Variants in TLE4 observed in about 807,000 individuals in gnomAD.
The protein encoded by TLE4 is TLE family member 4, transcriptional corepressor, also known as transducin-like enhancer protein 4.
A neutral mutation model predicts 92.8 loss-of-function variants in TLE4; 8 were observed. The ratio of observed to expected loss-of-function variants is 0.09; its 90% confidence interval spans 0.05 to 0.16. TLE4 has a LOEUF of 0.16. Ranked by LOEUF, TLE4 falls within the 10% of genes least tolerant of loss-of-function variation. The pLI, the probability that TLE4 is intolerant of heterozygous loss-of-function variation, is 1.00. For synonymous variants in TLE4, 371 were observed against 374.1 expected, an observed-to-expected ratio of 0.99 and a Z score of 0.10; for missense variants, 675 against 997.6, an observed-to-expected ratio of 0.68 and a Z score of 4.36.
At chr9:79,634,009 A>C (rs1326642187) in intron 6 of TLE4, among the ~76,000 whole-genome samples, 1 of 152,180 alleles carries the variant, frequency 6.6e-6, no homozygotes, top group Non-Finnish European at 1.5e-5. Context: ...CCCAAAATGC[A>C]TGTGTGGTCT....
intron 4 of TLE4, among the ~76,000 whole-genome samples, chr9:79,579,487 G>A (rs915428872): frequency 1.2e-4 from 18 of 152,182 alleles, no homozygotes; most frequent in African/African-American, 3.9e-4. Context: ...TTTTGAAAAG[G>A]GGAGCATGAG....
intron 8 of TLE4, among the ~76,000 whole-genome samples, chr9:79,666,523 G>C (rs186592993): frequency 7.9e-5 from 12 of 152,296 alleles, no homozygotes; most frequent in African/African-American, 2.6e-4. Context: ...ACAGGCGTGA[G>C]CCATCACGCC....
rs1261062691 is a variant in TLE4, at chr9:79,726,827, C to G, written c.*1683C>G. The G allele has an allele frequency of 6.6e-6, 1 of 152,318 alleles. No homozygotes were observed. The highest frequency in any genetic ancestry group is 1.5e-5 in the Non-Finnish European group (1 of 67,996). 9.4% of individuals were successfully genotyped at this position (152,318 alleles called of 1,614,324 possible). On this transcript the variant is annotated 3_prime_UTR_variant, in exon 20 of 20. Coordinates refer to ENST00000376552, the MANE Select transcript of TLE4 (RefSeq NM_007005.6). ...TGCCACTCCTATATATTAAAAATGCCTAGTTTTTTCAAGGGAGATTGTTGT... is the reference window on the plus strand; with the variant it reads ...TGCCACTCCTATATATTAAAAATGCGTAGTTTTTTCAAGGGAGATTGTTGT...
chr9:79,580,975 A>G (rs531660706), intron 4 of TLE4, among the ~76,000 whole-genome samples: 19 of 152,118 alleles, frequency 1.2e-4, no homozygotes, highest in South Asian at 4.1e-4. Flanking sequence ...TTATAAGACT[A>G]TGTGTGTGGG....
intron 4 of TLE4, among the ~76,000 whole-genome samples, chr9:79,600,476 AACAAAAACAC>A (rs1399758779): frequency 7.2e-5 from 11 of 152,206 alleles, no homozygotes; most frequent in South Asian, 2.1e-4. Context: ...CCACCCCAAC[AACAAAAACAC>A]ACAAAAACAG....
chr9:79,681,657 T>A (rs1361589763), intron 8 of TLE4, among the ~76,000 whole-genome samples: 1 of 152,032 alleles, frequency 6.6e-6, no homozygotes, highest in Admixed American at 6.6e-5. Context: ...TGGATACAGA[T>A]CTGTTCAGTG....
intron 8 of TLE4, among the ~76,000 whole-genome samples, chr9:79,665,848 T>C (rs897281834): frequency 1.3e-5 from 2 of 152,340 alleles, no homozygotes; most frequent in South Asian, 2.1e-4. Flanking sequence ...TCTGATGATA[T>C]TTTCTTCTTT....
At chr9:79,632,642 A>AT in intron 6 of TLE4, among the ~76,000 whole-genome samples, 1 of 152,154 alleles carries the variant, frequency 6.6e-6, no homozygotes, top group East Asian at 1.9e-4. Context: ...CTTTTGTGTT[A>AT]TTTTTTAAAT....
chr9:79,627,960 T>TA (rs937427422), intron 6 of TLE4, among the ~76,000 whole-genome samples: 1 of 152,128 alleles, frequency 6.6e-6, no homozygotes, highest in African/African-American at 2.4e-5. Flanking sequence ...ACTTTATTTT[T>TA]AAAAAAATCA....
At chr9:79,653,611 GGT>G (rs2059339430) in intron 7 of TLE4, among the ~76,000 whole-genome samples, 1 of 152,080 alleles carries the variant, frequency 6.6e-6, no homozygotes, top group Non-Finnish European at 1.5e-5. Context: ...TGGCTTGAAG[GGT>G]GTGTTTCATA....
chr9:79,683,925 G>A (rs2135361961), intron 8 of TLE4, among the ~76,000 whole-genome samples: 1 of 152,268 alleles, frequency 6.6e-6, no homozygotes, highest in Admixed American at 6.5e-5. Context: ...ATGAACTTAT[G>A]ACGACAGTTT....
At chr9:79,617,381 G>T (rs2049895450) in intron 5 of TLE4, among the ~76,000 whole-genome samples, 1 of 152,110 alleles carries the variant, frequency 6.6e-6, no homozygotes, top group African/African-American at 2.4e-5. Context: ...TCCCTATAAG[G>T]ATCACTTTTA....
At chr9:79,588,163 T>TGTGTGTGTGTGTGTGTGTGTGTG (rs1554691196) in intron 4 of TLE4, among the ~76,000 whole-genome samples, 5 of 151,576 alleles carry the variant, frequency 3.3e-5, no homozygotes, top group South Asian at 4.2e-4. Context: ...TGTGTGTGTG[T>TGTGTGTGTGTGTGTGTGTGTGTG]TTTGAGATAG....
chr9:79,676,807 GC>G (rs1339659392), intron 8 of TLE4, among the ~76,000 whole-genome samples: 1 of 152,006 alleles, frequency 6.6e-6, no homozygotes, highest in Non-Finnish European at 1.5e-5. Flanking sequence ...ATATTTAATA[GC>G]AGAGCTTTAT....
At chr9:79,701,813 A>G (rs1217982391) in intron 8 of TLE4, among the ~76,000 whole-genome samples, 2 of 152,184 alleles carry the variant, frequency 1.3e-5, no homozygotes, top group African/African-American at 4.8e-5. Context: ...GTGTTGAGAA[A>G]TATTTCTGGG....
intron 6 of TLE4, among the ~76,000 whole-genome samples, chr9:79,648,388 CAGTA>C (rs1468934328): frequency 6.6e-6 from 1 of 152,020 alleles, no homozygotes; most frequent in Non-Finnish European, 1.5e-5. Context: ...CTTTATGAGG[CAGTA>C]TATGCCAGTG....
At chr9:79,721,660 T>G in intron 16 of TLE4, 81 bp from the exon 17 acceptor site, 1 of 1,582,942 alleles carries the variant, frequency 6.3e-7, no homozygotes, top group Non-Finnish European at 8.6e-7. Context: ...TGCATTGAAA[T>G]TGAATCATCA....
chr9:79,650,258 C>G (rs2058748536), intron 6 of TLE4, among the ~76,000 whole-genome samples: 1 of 152,036 alleles, frequency 6.6e-6, no homozygotes, highest in Non-Finnish European at 1.5e-5. Flanking sequence ...ATTTTTAAAA[C>G]TATCAAGATA....
chr9:79,707,593 G>A (rs575957797), intron 11 of TLE4, among the ~76,000 whole-genome samples: 4 of 152,294 alleles, frequency 2.6e-5, no homozygotes, highest in South Asian at 2.1e-4. Context: ...TGCAAATTAG[G>A]GGGGATAAGT....
Sources: gnomAD v4.1 joint callset for allele counts (sites outside exome capture counted in the v4.1 genomes callset) on GRCh38, gnomAD v4.1.1 for gene constraint, MANE v1.5 for transcripts, NCBI Gene and HGNC (gene_info 2026-07-23, HGNC 2026-07-21) for gene names.